The following UNC13C variants were observed in gnomAD, a reference collection of about 807,000 sequenced individuals.
The protein encoded by UNC13C is unc-13 homolog C.
Under a neutral mutation model 245.4 loss-of-function variants are expected in UNC13C, and 174 were observed. The ratio of observed to expected loss-of-function variants is 0.71; its 90% CI spans 0.63 to 0.80. The LOEUF (loss-of-function observed/expected upper bound fraction) is 0.80. Ranked by LOEUF, UNC13C falls within the 30% of genes least tolerant of loss-of-function variation. The pLI is 0.00. For missense variants in UNC13C, 2,829 were observed against 2,602.9 expected (o/e 1.09, Z -1.89); for synonymous variants, 992 against 895.1 (o/e 1.11, Z -1.93).
intron 19 of UNC13C, among the ~76,000 whole-genome samples, chr15:54,420,041 G>A (rs2040605681): frequency 6.6e-6 from 1 of 152,014 alleles, no homozygotes; most frequent in Non-Finnish European, 1.5e-5. Flanking sequence ...TGTGCTTAAG[G>A]AGTCAGAAAA....
chr15:54,205,387 T>C (rs748132160), intron 4 of UNC13C, among the ~76,000 whole-genome samples: 2 of 152,008 alleles, frequency 1.3e-5, no homozygotes, highest in Non-Finnish European at 2.9e-5. Context: ...TATGTATTTC[T>C]ATAGGCGACA....
In UNC13C at chr15:54,130,394, G is replaced by A. The variant is rs1191190886; in HGVS notation, c.2984-12624G>A. On this transcript the variant is annotated intron_variant, in intron 2 of 32. Coordinates refer to ENST00000260323, the MANE Select transcript of UNC13C (RefSeq NM_001080534.3). The stretch of plus-strand genomic sequence containing the variant: ...TGCAAGCTCCGCCTCCCGGGTTCAC[G>A]CCATTCTCCTGCCTCAGCCTCCCGA... Among the ~76,000 whole-genome samples the A allele has an allele frequency of 5.6e-5, 8 of 142,582 alleles. No homozygotes were observed. The East Asian group carries it at 1.7e-3, about 31-fold the overall frequency. The allele number at this position is 142,582 out of a possible 152,430, so 93.5% of individuals were successfully genotyped here. A position where few individuals can be genotyped will look rare whatever the true frequency, so the allele number is the denominator to read the frequency against.
intron 19 of UNC13C, among the ~76,000 whole-genome samples, chr15:54,486,787 C>A (rs772544339): frequency 6.6e-6 from 1 of 152,158 alleles, no homozygotes; most frequent in Non-Finnish European, 1.5e-5. Context: ...TTATAACTAT[C>A]CATCTCTATT....
chr15:54,496,595 GTA>G (rs534838089), intron 20 of UNC13C, among the ~76,000 whole-genome samples: 4 of 151,186 alleles, frequency 2.6e-5, no homozygotes, highest in African/African-American at 7.3e-5. Context: ...GTGTGTGTGT[GTA>G]TATATATATA....
chr15:54,127,600 A>C (rs1220952662), intron 2 of UNC13C, among the ~76,000 whole-genome samples: 1 of 151,624 alleles, frequency 6.6e-6, no homozygotes, highest in Non-Finnish European at 1.5e-5. Flanking sequence ...AGAAATAGCT[A>C]ATGTACATGA....
intron 17 of UNC13C, among the ~76,000 whole-genome samples, chr15:54,344,270 A>G (rs1398006): frequency 0.72 from 108,788 of 151,662 alleles, 39,718 homozygotes; most frequent in East Asian, 0.82. Flanking sequence ...AATAACAACA[A>G]CAATGATAAA....
Position 54,577,617 on chromosome 15 carries a change from T to C in UNC13C, c.6106+9670T>C, listed in dbSNP as rs146262829. On this transcript the variant is annotated intron_variant, in intron 30 of 32. Coordinates refer to ENST00000260323, the MANE Select transcript of UNC13C (RefSeq NM_001080534.3). Reference sequence around the variant, plus strand: ...GTCCTCTCAGCCTGGCTCTGTCCTTTGACTGTAAGCTTCTCAATGTCTTTC... The same window carrying C: ...GTCCTCTCAGCCTGGCTCTGTCCTTCGACTGTAAGCTTCTCAATGTCTTTC... Among the ~76,000 whole-genome samples, 489 of 152,284 alleles carry C rather than the reference T, an allele frequency of 3.2e-3. 6 individuals carry two copies. The highest frequency in any genetic ancestry group is 0.011 in the African/African-American group (456 of 41,558).
intron 2 of UNC13C, among the ~76,000 whole-genome samples, chr15:54,053,967 G>A (rs1035536158): frequency 6.6e-6 from 1 of 152,156 alleles, no homozygotes; most frequent in Non-Finnish European, 1.5e-5. Flanking sequence ...GCAAATGACA[G>A]GATCTCATTC....
chr15:54,282,688 T>C (rs974791646), intron 10 of UNC13C, among the ~76,000 whole-genome samples: 6 of 152,286 alleles, frequency 3.9e-5, no homozygotes, highest in African/African-American at 1.4e-4. Flanking sequence ...GACAGCCTTT[T>C]CTTCCTACCT....
intron 10 of UNC13C, among the ~76,000 whole-genome samples, chr15:54,287,213 T>C (rs1432569323): frequency 1.3e-5 from 2 of 152,170 alleles, no homozygotes; most frequent in Non-Finnish European, 2.9e-5. Context: ...GTGAGGATAT[T>C]TCTCTTGCTG....
chr15:54,346,853 A>AC (rs1223412709), intron 17 of UNC13C, among the ~76,000 whole-genome samples: 5 of 152,208 alleles, frequency 3.3e-5, no homozygotes, highest in Non-Finnish European at 7.3e-5. Context: ...TCCAGCAGAT[A>AC]CCTAATCAGC....
At chr15:53,985,768 G>A (rs573445959) in intron 1 of UNC13C, among the ~76,000 whole-genome samples, 6 of 152,122 alleles carry the variant, frequency 3.9e-5, no homozygotes, top group East Asian at 3.9e-4. Context: ...TCACTGTGGC[G>A]TTTGTCTTCC....
intron 19 of UNC13C, among the ~76,000 whole-genome samples, chr15:54,462,568 G>A (rs1041389843): frequency 1.2e-4 from 18 of 152,228 alleles, no homozygotes; most frequent in Non-Finnish European, 2.5e-4. Flanking sequence ...AGTGCCCCCG[G>A]CCCCGGGGAG....
intron 30 of UNC13C, among the ~76,000 whole-genome samples, chr15:54,621,577 C>T (rs1042359706): frequency 1.3e-5 from 2 of 152,028 alleles, no homozygotes; most frequent in African/African-American, 4.8e-5. Context: ...ATAGCTAGAG[C>T]ATGTGCTTCA....
chr15:53,960,816 C>T, the UNC13C span, among the ~76,000 whole-genome samples: 5 of 152,114 alleles, frequency 3.3e-5, no homozygotes, highest in African/African-American at 1.2e-4. Context: ...AACTTGTTAC[C>T]CTCATCCCAA....
upstream of UNC13C, among the ~76,000 whole-genome samples, chr15:53,973,503 G>T (rs1327940359): frequency 1.3e-5 from 2 of 151,630 alleles, no homozygotes; most frequent in Non-Finnish European, 2.9e-5. Context: ...GCCCAAATTG[G>T]AAACCAGGCA....
intron 19 of UNC13C, among the ~76,000 whole-genome samples, chr15:54,449,181 G>A (rs1312929720): frequency 6.6e-6 from 1 of 152,120 alleles, no homozygotes; most frequent in East Asian, 1.9e-4. Context: ...TGGGTAACCC[G>A]ACTTTTCTCT....
Position 54,322,045 on chromosome 15 carries a change from A to G in UNC13C, c.4375A>G (p.Thr1459Ala). 6.3e-7 allele frequency: 1 copy of G among 1,591,170 alleles called. No individual in the cohort carries two copies. The highest frequency in any genetic ancestry group is 8.6e-7 in the Non-Finnish European group (1 of 1,167,556). The change falls in exon 14 of 33, where the codon ACA (threonine) becomes GCA (alanine). Residue 1459 changes from threonine to alanine, a missense_variant. Physicochemically the swap from Thr to Ala is moderately conservative, Grantham distance 58. Transcript: ENST00000260323. ...TTTTTATGCTCACACAACAGTTTCA[A>G]CAAACATACAGGTTTCTGCCTCAGA... Reference protein sequence around the residue: ...NAFYAHTTVSTNIQVSASDRF... With the variant: ...NAFYAHTTVSANIQVSASDRF...
chr15:54,242,603 C>G (rs1049683473), intron 7 of UNC13C, among the ~76,000 whole-genome samples: 1 of 151,982 alleles, frequency 6.6e-6, no homozygotes, highest in African/African-American at 2.4e-5. Flanking sequence ...TTTATTTATG[C>G]TCTTGTCATT....
Sources: gnomAD v4.1 joint callset for allele counts (sites outside exome capture counted in the v4.1 genomes callset) on GRCh38, gnomAD v4.1.1 for gene constraint, MANE v1.5 for transcripts, NCBI Gene and HGNC (gene_info 2026-07-23, HGNC 2026-07-21) for gene names.